Variants in DACH1 observed in about 807,000 individuals in gnomAD.
The protein encoded by DACH1 is dachshund family transcription factor 1, also known as dachshund homolog 1.
A neutral mutation model predicts 54.2 loss-of-function variants in DACH1; 12 were observed. The observed-to-expected ratio is 0.22, with a 90% CI of 0.14 to 0.36. The LOEUF (loss-of-function observed/expected upper bound fraction) is 0.36, where lower values mean the gene tolerates loss of function less well. Among genes scored for constraint, DACH1 ranks in the 10% least tolerant of loss-of-function variants. The pLI is 1.00. For synonymous variants in DACH1, 386 were observed against 366.2 expected (o/e 1.05, Z -0.62); for missense variants, 805 against 929.8 (o/e 0.87, Z 1.75).
intron 6 of DACH1, among the ~76,000 whole-genome samples, chr13:71,550,083 C>T (rs757211819): frequency 6.6e-6 from 1 of 151,944 alleles, no homozygotes; most frequent in South Asian, 2.1e-4. Flanking sequence ...TTCAAATTTC[C>T]TATTGGGGTC....
At chr13:71,493,668 C>CA (rs1252751611) in intron 6 of DACH1, among the ~76,000 whole-genome samples, 2 of 151,830 alleles carry the variant, frequency 1.3e-5, no homozygotes, top group Admixed American at 1.3e-4. Flanking sequence ...TCCTCATTTA[C>CA]AAAAAAATAT....
intron 3 of DACH1, among the ~76,000 whole-genome samples, chr13:71,590,801 T>TA (rs1873644951): frequency 6.6e-6 from 1 of 151,938 alleles, no homozygotes; most frequent in Admixed American, 6.6e-5. Context: ...GAGAGCATCA[T>TA]ATTGCTTAAA....
rs146071555 is a variant in DACH1 at position 71,706,086 on chromosome 13, C to A, written c.849-24176G>T. Among the ~76,000 whole-genome samples, 1,097 of 151,990 alleles carry A rather than the reference C, an allele frequency of 7.2e-3. 3 individuals are homozygous for A. Among genetic ancestry groups the A allele is most frequent in the Non-Finnish European group, 0.012 (793 of 67,918 alleles). ...TCTACCTTTACCACCAGCTTCAAGT[C>A]ATGTAAAAATTCAGTCAGAATAGGA... On this transcript the variant is annotated intron_variant, in intron 1 of 10. Coordinates refer to ENST00000613252, the MANE Select transcript of DACH1 (RefSeq NM_080759.6).
chr13:71,496,776 A>C (rs1377572804), intron 6 of DACH1, among the ~76,000 whole-genome samples: 1 of 152,234 alleles, frequency 6.6e-6, no homozygotes, highest in East Asian at 1.9e-4. Context: ...TTCTCAGAAA[A>C]TAAGGAATTC....
chr13:71,850,511 T>C (rs1468108681), intron 1 of DACH1, among the ~76,000 whole-genome samples: 1 of 152,158 alleles, frequency 6.6e-6, no homozygotes, highest in African/African-American at 2.4e-5. Flanking sequence ...TCTAAAAGAA[T>C]GAACACTTCG....
chr13:71,662,066 G>T (rs921562071), intron 2 of DACH1, among the ~76,000 whole-genome samples: 2 of 151,888 alleles, frequency 1.3e-5, no homozygotes, highest in Non-Finnish European at 2.9e-5. Context: ...CTCTCAAGAC[G>T]TAACAACCAC....
chr13:71,702,289 T>A (rs1045264782), intron 1 of DACH1, among the ~76,000 whole-genome samples: 28 of 152,152 alleles, frequency 1.8e-4, no homozygotes, highest in African/African-American at 6.8e-4. Context: ...CATATTTAAA[T>A]CTAGATTTCT....
At chr13:71,820,105 G>GAAAA (rs59126150) in intron 1 of DACH1, among the ~76,000 whole-genome samples, 56 of 54,130 alleles carry the variant, frequency 1.0e-3, no homozygotes, top group African/African-American at 3.1e-3. Flanking sequence ...TGCCTCTACC[G>GAAAA]AAAAAAAAAA....
At chr13:71,701,060 G>A (rs1355934469) in intron 1 of DACH1, among the ~76,000 whole-genome samples, 2 of 152,046 alleles carry the variant, frequency 1.3e-5, no homozygotes, top group African/African-American at 2.4e-5. Context: ...AATCCTCCCT[G>A]ATCTTAAAGC....
At chr13:71,650,519 A>G (rs1383541180) in intron 2 of DACH1, among the ~76,000 whole-genome samples, 1 of 152,166 alleles carries the variant, frequency 6.6e-6, no homozygotes, top group East Asian at 1.9e-4. Context: ...AAATTAAATA[A>G]TATTATTGTA....
chr13:71,453,762 GA>G (rs899861205), intron 10 of DACH1, among the ~76,000 whole-genome samples: 1 of 152,130 alleles, frequency 6.6e-6, no homozygotes, highest in African/African-American at 2.4e-5. Context: ...GCTGAGCTGA[GA>G]TTCTGACAGT....
At chr13:71,699,439 C>A (rs546084457) in intron 1 of DACH1, among the ~76,000 whole-genome samples, 1 of 152,236 alleles carries the variant, frequency 6.6e-6, no homozygotes, top group South Asian at 2.1e-4. Context: ...GAATTTTATT[C>A]AATCTCAAGG....
In DACH1 at chr13:71,591,541, A is replaced by G. The variant is rs564082059; in HGVS notation, c.1127-18529T>C. ...AAATGGCTTGAAAGAAGTCACTTAGATTTTGACATCCACTTCTGCATTCAC... is the reference window on the plus strand; with the variant it reads ...AAATGGCTTGAAAGAAGTCACTTAGGTTTTGACATCCACTTCTGCATTCAC... On this transcript the variant is annotated intron_variant, in intron 3 of 10. Transcript: ENST00000613252. 5.9e-5 allele frequency among the ~76,000 whole-genome samples: 9 copies of G among 152,312 alleles called. 1 individual carries two copies. The East Asian group carries it at 9.6e-4, about 16-fold the overall frequency.
At chr13:71,517,635 C>T (rs1430935354) in intron 6 of DACH1, among the ~76,000 whole-genome samples, 1 of 151,698 alleles carries the variant, frequency 6.6e-6, no homozygotes, top group Non-Finnish European at 1.5e-5. Flanking sequence ...ATAAGTAGTC[C>T]AATGTTCACT....
At chr13:71,518,187 G>C (rs531209882) in intron 6 of DACH1, among the ~76,000 whole-genome samples, 10 of 151,864 alleles carry the variant, frequency 6.6e-5, no homozygotes, top group African/African-American at 2.2e-4. Flanking sequence ...ATGTAACTAA[G>C]TTTAAATAAG....
At chr13:71,704,520 GA>G in intron 1 of DACH1, 1 of 389,952 alleles carries the variant, frequency 2.6e-6, no homozygotes, top group South Asian at 2.3e-5. Context: ...ATCAGTAACA[GA>G]AGGAAGCCAA....
chr13:71,453,606 A>C (rs1167450804), intron 10 of DACH1, among the ~76,000 whole-genome samples: 3 of 152,180 alleles, frequency 2.0e-5, no homozygotes, highest in Non-Finnish European at 4.4e-5. Context: ...CTGGCTTTTA[A>C]AAGTTCAGCA....
intron 4 of DACH1, among the ~76,000 whole-genome samples, chr13:71,565,316 G>A (rs1011562731): frequency 6.6e-6 from 1 of 152,038 alleles, no homozygotes; most frequent in African/African-American, 2.4e-5. Flanking sequence ...AAATACATTA[G>A]TTCAATGAGT....
intron 3 of DACH1, among the ~76,000 whole-genome samples, chr13:71,627,165 C>A (rs1474444847): frequency 6.6e-6 from 1 of 151,838 alleles, no homozygotes; most frequent in African/African-American, 2.4e-5. Context: ...CTTTAAACAT[C>A]TTTTTCTGGC....
Sources: allele counts gnomAD v4.1 joint callset (sites outside exome capture counted in the v4.1 genomes callset), GRCh38; gene constraint gnomAD v4.1.1; transcripts MANE v1.5; gene names NCBI Gene and HGNC (gene_info 2026-07-23, HGNC 2026-07-21).